Variants in PCCA observed in about 807,000 individuals in gnomAD.
PCCA encodes propionyl-CoA carboxylase subunit alpha.
PCCA carries 74 observed loss-of-function variants against 101.3 expected under a neutral mutation model. That is an observed-to-expected ratio of 0.73 (90% CI 0.61 to 0.89). The LOEUF is 0.89. Ranked by LOEUF, PCCA falls within the 40% of genes least tolerant of loss-of-function variation. The pLI is 0.00. For missense variants in PCCA, 891 were observed against 907.0 expected, an observed-to-expected ratio of 0.98 and a Z score of 0.23; for synonymous variants, 294 against 313.6, an observed-to-expected ratio of 0.94 and a Z score of 0.66.
chr13:100,171,969 T>C (rs1344252913), intron 6 of PCCA, among the ~76,000 whole-genome samples: 1 of 151,410 alleles, frequency 6.6e-6, no homozygotes, highest in Non-Finnish European at 1.5e-5. Context: ...GAGGCAGAGC[T>C]TGCAGTGAGC....
Position 100,150,732 on chromosome 13 carries a change from C to G in PCCA, c.301-4247C>G. The stretch of plus-strand genomic sequence containing the variant: ...AAAAATTTGTATGTGGAATCTTCAC[C>G]AACCCAGTAAGAATTCAGGACTCTC... On this transcript the variant is annotated intron_variant, in intron 4 of 23. Transcript: ENST00000376285. 3 of 1,585,412 alleles carry G rather than the reference C, an allele frequency of 1.9e-6. 1 individual carries two copies. In the South Asian group the frequency reaches 3.3e-5, roughly 17 times the overall value.
intron 19 of PCCA, among the ~76,000 whole-genome samples, chr13:100,388,184 G>A (rs1390435945): frequency 6.6e-6 from 1 of 152,200 alleles, no homozygotes; most frequent in Non-Finnish European, 1.5e-5. Flanking sequence ...GTAAATTAAA[G>A]TTGGCTGGGT....
chr13:100,135,893 G>T (rs1361597552), intron 4 of PCCA, among the ~76,000 whole-genome samples: 1 of 152,088 alleles, frequency 6.6e-6, no homozygotes, highest in Admixed American at 6.6e-5. Context: ...TAAATCAATT[G>T]ATATGATCAT....
At chr13:100,112,970 A>C (rs1465542476) in intron 4 of PCCA, among the ~76,000 whole-genome samples, 1 of 152,226 alleles carries the variant, frequency 6.6e-6, no homozygotes, top group Admixed American at 6.5e-5. Flanking sequence ...TATGGCATGA[A>C]ATATAAGTAG....
At chr13:100,422,812 T>C (rs2078915450) in intron 19 of PCCA, among the ~76,000 whole-genome samples, 4 of 152,042 alleles carry the variant, frequency 2.6e-5, no homozygotes, top group South Asian at 2.1e-4. Context: ...TTCATTTCCT[T>C]CTGTTGTTGT....
At chr13:100,373,760 G>T (rs764778529) in intron 19 of PCCA, among the ~76,000 whole-genome samples, 3 of 152,128 alleles carry the variant, frequency 2.0e-5, no homozygotes, top group Admixed American at 6.5e-5. Flanking sequence ...TTTTATACGC[G>T]TTTTACCACA....
chr13:100,369,607 C>T (rs927276530), intron 19 of PCCA, among the ~76,000 whole-genome samples: 2 of 152,218 alleles, frequency 1.3e-5, no homozygotes, highest in Non-Finnish European at 2.9e-5. Flanking sequence ...AGTCCATGAA[C>T]TAAGGGTAGT....
chr13:100,165,995 G>A (rs1204156930), intron 6 of PCCA, among the ~76,000 whole-genome samples: 1 of 152,158 alleles, frequency 6.6e-6, no homozygotes, highest in Admixed American at 6.5e-5. Flanking sequence ...TCAATAAAGT[G>A]CACATATATA....
chr13:100,286,855 A>G (rs1595128350), intron 12 of PCCA, among the ~76,000 whole-genome samples: 1 of 150,182 alleles, frequency 6.7e-6, no homozygotes, highest in Non-Finnish European at 1.5e-5. Context: ...TTAACTTTGT[A>G]TGTGTTTTTT....
At chr13:100,437,520 TA>T (rs1268373041) in intron 20 of PCCA, among the ~76,000 whole-genome samples, 4 of 147,284 alleles carry the variant, frequency 2.7e-5, no homozygotes, top group African/African-American at 5.1e-5. Flanking sequence ...ATAACTATTT[TA>T]TATTTATTTG....
intron 21 of PCCA, among the ~76,000 whole-genome samples, chr13:100,513,879 A>AT (rs957280749): frequency 1.2e-4 from 19 of 152,238 alleles, no homozygotes; most frequent in African/African-American, 4.1e-4. Context: ...GTGATGTTGG[A>AT]TTTTTTCCCC....
At chr13:100,306,495 A>G (rs993140545) in intron 14 of PCCA, among the ~76,000 whole-genome samples, 1 of 152,342 alleles carries the variant, frequency 6.6e-6, no homozygotes, top group Admixed American at 6.5e-5. Flanking sequence ...GCTGGTATCA[A>G]ACTGGGAAAT....
intron 6 of PCCA, among the ~76,000 whole-genome samples, chr13:100,183,226 C>T (rs1003090941): frequency 4.6e-5 from 7 of 152,014 alleles, no homozygotes; most frequent in African/African-American, 1.7e-4. Flanking sequence ...AGAATTTATT[C>T]CTATCATAAA....
intron 4 of PCCA, among the ~76,000 whole-genome samples, chr13:100,113,188 C>T (rs957399975): frequency 1.3e-5 from 2 of 152,164 alleles, no homozygotes; most frequent in African/African-American, 4.8e-5. Context: ...TAGCCTATTC[C>T]TCCTGTGCTA....
At chr13:100,465,721 C>A (rs1284478653) in intron 21 of PCCA, among the ~76,000 whole-genome samples, 1 of 152,166 alleles carries the variant, frequency 6.6e-6, no homozygotes, top group Admixed American at 6.5e-5. Context: ...CCAGATATAA[C>A]AACTAAAATT....
At chr13:100,346,304 A>G (rs1200225978) in intron 18 of PCCA, among the ~76,000 whole-genome samples, 1 of 152,234 alleles carries the variant, frequency 6.6e-6, no homozygotes, top group African/African-American at 2.4e-5. Context: ...AAAATAAAAG[A>G]TCAACATTAA....
intron 6 of PCCA, among the ~76,000 whole-genome samples, chr13:100,171,862 C>G (rs1279875732): frequency 6.6e-6 from 1 of 152,046 alleles, no homozygotes; most frequent in African/African-American, 2.4e-5. Context: ...GAAACCCTGT[C>G]TCTACTACAA....
chr13:100,515,243 A>C (rs985678676), intron 21 of PCCA, among the ~76,000 whole-genome samples, 184 bp from the exon 22 acceptor site: 6 of 152,236 alleles, frequency 3.9e-5, no homozygotes, highest in African/African-American at 1.4e-4. Flanking sequence ...GAACTTTCTG[A>C]AATAGCTCAA....
At chr13:100,135,841 C>G (rs1482720470) in intron 4 of PCCA, among the ~76,000 whole-genome samples, 1 of 152,086 alleles carries the variant, frequency 6.6e-6, no homozygotes, top group Non-Finnish European at 1.5e-5. Flanking sequence ...CTGTCTACTC[C>G]TAATCTGCCA....
Sources: allele counts gnomAD v4.1 joint callset (sites outside exome capture counted in the v4.1 genomes callset), GRCh38; gene constraint gnomAD v4.1.1; transcripts MANE v1.5; gene names NCBI Gene and HGNC (gene_info 2026-07-23, HGNC 2026-07-21).